Variants in KRT85 observed in about 807,000 individuals in gnomAD.
The protein encoded by KRT85 is keratin, type II cuticular Hb5.
Under a neutral mutation model 53.7 loss-of-function variants are expected in KRT85, and 39 were observed. The ratio of observed to expected loss-of-function variants is 0.73; its 90% CI spans 0.56 to 0.95. The LOEUF (loss-of-function observed/expected upper bound fraction) is 0.95, where lower values mean the gene tolerates loss of function less well. Among genes scored for constraint, KRT85 ranks in the 40% least tolerant of loss-of-function variants. The pLI is 0.00. For missense variants in KRT85, 668 were observed against 686.0 expected (o/e 0.97, Z 0.29); for synonymous variants, 291 against 277.5 (o/e 1.05, Z -0.48).
In KRT85 at chr12:52,367,029, T is replaced by C; in HGVS notation, c.377A>G (p.Gln126Arg). The C allele has an allele frequency of 1.9e-6, 3 of 1,613,950 alleles. No individual in the cohort carries two copies. The highest frequency in any genetic ancestry group is 2.5e-6 in the Non-Finnish European group (3 of 1,179,878). Residue 126 changes from glutamine to arginine, a missense_variant, in exon 1 of 9, where the codon CAG becomes CGG. Coordinates refer to ENST00000257901, the MANE Select transcript of KRT85 (RefSeq NM_002283.4). Reference sequence around the variant, plus strand: ...GAACCTGCTGTTGAGGGACTTGATCTGCTCCTTCTCCTCCTGCTTCACGCA... The same window carrying C: ...GAACCTGCTGTTGAGGGACTTGATCCGCTCCTTCTCCTCCTGCTTCACGCA... ...AQCVKQEEKEQIKSLNSRFAA... is the reference protein window; with the variant it reads ...AQCVKQEEKERIKSLNSRFAA...
At chr12:52,363,019 C>G in intron 5 of KRT85, 40 bp from the exon 6 acceptor site, 1 of 1,613,980 alleles carries the variant, frequency 6.2e-7, no homozygotes, top group Non-Finnish European at 8.5e-7. Flanking sequence ...CAGGGTGGGG[C>G]CCCCCATCCA....
At chr12:52,363,000 C>T in intron 5 of KRT85, 21 bp from the exon 6 acceptor site, 2 of 1,614,126 alleles carry the variant, frequency 1.2e-6, no homozygotes, top group Non-Finnish European at 1.7e-6. Flanking sequence ...TAGAGATGCT[C>T]ATGAGGCTCA....
At chr12:52,363,542 C>T (rs1939226796) in intron 4 of KRT85, 132 bp from the exon 5 acceptor site, 10 of 939,164 alleles carry the variant, frequency 1.1e-5, no homozygotes, top group South Asian at 5.6e-5. Context: ...CTCCTACCAC[C>T]TTCACTCATG....
At position 52,361,503 on chromosome 12, in the gene KRT85, G is replaced by A. The variant is rs371343708; in HGVS notation, c.1299-5C>T. On this transcript the variant is annotated splice_region_variant and splice_polypyrimidine_tract_variant and intron_variant, in intron 7 of 8. Coordinates refer to ENST00000257901, the MANE Select transcript of KRT85 (RefSeq NM_002283.4). ...GAGCCCACACCTTCACACAGCCTAT[G>A]GAGAAAGAAAACTCTGTTAGTTCCA... The A allele has an allele frequency of 1.5e-4, 235 of 1,613,462 alleles. No homozygotes were observed. Among genetic ancestry groups the A allele is most frequent in the Non-Finnish European group, 1.9e-4 (225 of 1,179,490 alleles).
In KRT85 at chr12:52,364,218, G is replaced by A. The variant is rs185033572; in HGVS notation, c.691-55C>T. 21 of 1,610,022 alleles carry A rather than the reference G, an allele frequency of 1.3e-5. No homozygotes were observed. The Admixed American group carries it at 3.3e-4, about 26-fold the overall frequency. On this transcript the variant is annotated intron_variant, in intron 3 of 8. Coordinates refer to ENST00000257901, the MANE Select transcript of KRT85 (RefSeq NM_002283.4). ...GCATGTGAGAGGAGACCAAAGAAAG[G>A]TGCCTTTGGTCAGCATGGTGACCCT...
intron 1 of KRT85, among the ~76,000 whole-genome samples, chr12:52,366,138 G>A (rs73314986): frequency 0.016 from 2,421 of 152,270 alleles, 75 homozygotes; most frequent in African/African-American, 0.055. Context: ...GCTATGCAGC[G>A]TTCTCCACAC....
chr12:52,363,988 C>G (rs1681866359), intron 4 of KRT85, 80 bp downstream of exon 4: 22 of 1,065,680 alleles, frequency 2.1e-5, no homozygotes, highest in Non-Finnish European at 1.5e-6. Context: ...TAGGCACACA[C>G]ATGCACCCTT....
At position 52,360,690 on chromosome 12, in the gene KRT85, C is replaced by T. The variant is rs190998754; in HGVS notation, c.*163G>A. On this transcript the variant is annotated 3_prime_UTR_variant, in exon 9 of 9. Coordinates refer to ENST00000257901, the MANE Select transcript of KRT85 (RefSeq NM_002283.4). ...GATGCATCTCCCTAGCATGAAAAGG[C>T]GCAGGGGAGCGGCCCGAGGGTCTTT... 270 of 752,986 alleles carry T rather than the reference C, an allele frequency of 3.6e-4. 2 individuals are homozygous for T. The African/African-American group carries it at 4.0e-3, about 11-fold the overall frequency. The allele number at this position is 752,986 out of a possible 1,614,324, so 46.6% of individuals were successfully genotyped here.
intron 6 of KRT85, 113 bp downstream of exon 6, chr12:52,362,741 C>T: frequency 6.6e-7 from 1 of 1,512,186 alleles, no homozygotes; most frequent in South Asian, 1.1e-5. Context: ...TATGATAGAG[C>T]CCCTCCCTTC....
chr12:52,365,435 T>C (rs1295895865), intron 1 of KRT85, among the ~76,000 whole-genome samples: 2 of 152,210 alleles, frequency 1.3e-5, no homozygotes, highest in Non-Finnish European at 2.9e-5. Flanking sequence ...GGCTCAGTTT[T>C]CTCCTTTCCA....
intron 8 of KRT85, 95 bp downstream of exon 8, chr12:52,361,372 G>T: frequency 1.7e-6 from 2 of 1,154,270 alleles, no homozygotes; most frequent in Non-Finnish European, 1.3e-6. Context: ...TGAAACAGTT[G>T]GGGGAACACT....
intron 7 of KRT85, among the ~76,000 whole-genome samples, chr12:52,362,032 A>G (rs1399017605): frequency 1.3e-5 from 2 of 152,230 alleles, no homozygotes; most frequent in African/African-American, 4.8e-5. Context: ...AGATAAAAAG[A>G]TGGGAAAAAC....
rs1939281763 is a variant in KRT85 at position 52,367,008 on chromosome 12, C to T, written c.398G>A (p.Arg133Lys). ...CACCTTGTCGATGAAGGCCGCGAAC[C>T]TGCTGTTGAGGGACTTGATCTGCTC... Reference protein sequence around the residue: ...EKEQIKSLNSRFAAFIDKVRF... With the variant: ...EKEQIKSLNSKFAAFIDKVRF... The change falls in exon 1 of 9, where the codon AGG becomes AAG. Residue 133 changes from arginine to lysine, a missense_variant. Arg to Lys is a conservative substitution (Grantham distance 26, BLOSUM62 2). Coordinates refer to ENST00000257901, the MANE Select transcript of KRT85 (RefSeq NM_002283.4). 6.2e-7 allele frequency: 1 copy of T among 1,613,994 alleles called. No homozygotes were observed. The highest frequency in any genetic ancestry group is 1.3e-5 in the African/African-American group (1 of 75,058).
rs1939181618 is a variant in KRT85 at position 52,360,953 on chromosome 12, C to T, written c.1424G>A (p.Gly475Asp). Residue 475 changes from glycine to aspartate, a missense_variant, in exon 9 of 9, where the codon GGC (glycine) becomes GAC (aspartate). Gly to Asp is a moderately conservative substitution (Grantham distance 94). Around this residue, in one of 3 missense-constraint regions of KRT85, gnomAD observed 488 missense variants for 498.1 expected, o/e 0.98. Coordinates refer to ENST00000257901, the MANE Select transcript of KRT85 (RefSeq NM_002283.4). ...AGGGGCCACCACCGTGATGCTGCCGCCTATGGCTGAGGGGCCAGAAGTGAT... is the reference window on the plus strand; with the variant it reads ...AGGGGCCACCACCGTGATGCTGCCGTCTATGGCTGAGGGGCCAGAAGTGAT... ...RQITSGPSAI[G>D]GSITVVAPDS... The T allele has an allele frequency of 6.2e-7, 1 of 1,613,376 alleles. No individual in the cohort carries two copies. The highest frequency in any genetic ancestry group is 1.7e-5 in the Admixed American group (1 of 60,034).
At chr12:52,364,937 A>C in intron 2 of KRT85, 25 bp downstream of exon 2, 1 of 1,612,208 alleles carries the variant, frequency 6.2e-7, no homozygotes, top group Non-Finnish European at 8.5e-7. Context: ...GTTTCCCCTG[A>C]GTCCCCCCAG....
At chr12:52,362,722 G>T in intron 6 of KRT85, 132 bp downstream of exon 6, 1 of 1,433,864 alleles carries the variant, frequency 7.0e-7, no homozygotes, top group Non-Finnish European at 9.8e-7. Flanking sequence ...TGGTCTGATT[G>T]CTGTGAAATA....
In KRT85 at chr12:52,367,248, C is replaced by T. The variant is rs758331665; in HGVS notation, c.158G>A (p.Ser53Asn). 2 of 1,612,250 alleles carry T rather than the reference C, an allele frequency of 1.2e-6. No individual in the cohort carries two copies. The highest frequency in any genetic ancestry group is 4.5e-5 in the East Asian group (2 of 44,828). The change falls in exon 1 of 9, where the codon AGC (serine) becomes AAC (asparagine). Residue 53 changes from serine to asparagine, a missense_variant. Around this residue, in one of 3 missense-constraint regions of KRT85, gnomAD observed 158 missense variants for 141.8 expected, o/e 1.11. Coordinates refer to ENST00000257901, the MANE Select transcript of KRT85 (RefSeq NM_002283.4). ...SCYRGLTGFG[S>N]RSLCNLGSCG... ...GGAGCCCAGGTTGCAGAGGCTGCGGCTGCCGAAGCCCGTCAGCCCTCGGTA... is the reference window on the plus strand; with the variant it reads ...GGAGCCCAGGTTGCAGAGGCTGCGGTTGCCGAAGCCCGTCAGCCCTCGGTA...
Position 52,361,557 on chromosome 12 carries a change from T to C in KRT85, c.1299-59A>G, listed in dbSNP as rs2298796. The stretch of plus-strand genomic sequence containing the variant: ...ACTGAGTTGGATTCCTTGAGACTGA[T>C]GGTTGCTTGGGGACAGAGAGGGTCA... On this transcript the variant is annotated intron_variant, in intron 7 of 8. Transcript: ENST00000257901. 0.19 allele frequency: 295,328 copies of C among 1,522,212 alleles called. 32,393 individuals are homozygous for C. Among genetic ancestry groups the C allele is most frequent in the East Asian group, 0.51 (22,528 of 44,378 alleles). 94.3% of individuals were successfully genotyped at this position (1,522,212 alleles called of 1,614,324 possible). A position where few individuals can be genotyped will look rare whatever the true frequency, so the allele number is the denominator to read the frequency against.
Position 52,364,312 on chromosome 12 carries a change from T to G in KRT85, c.684A>C (p.Leu228=), listed in dbSNP as rs768129792. 32 of 1,614,070 alleles carry G rather than the reference T, an allele frequency of 2.0e-5. No individual in the cohort carries two copies. The highest frequency in any genetic ancestry group is 2.7e-5 in the Non-Finnish European group (32 of 1,180,032). ...CCCATGACCAGCCCCTCACCTTCTTTAGAACGACAAACTCATTCTCTGCTG... is the reference window on the plus strand; with the variant it reads ...CCCATGACCAGCCCCTCACCTTCTTGAGAACGACAAACTCATTCTCTGCTG... ...RATAENEFVV[L]KKDVDCAYLR... is the part of the protein sequence containing the mutation. The change falls in exon 3 of 9, where the codon CTA becomes CTC. Residue 228 remains leucine (L), a synonymous_variant. Transcript: ENST00000257901.
Sources: allele counts gnomAD v4.1 joint callset (sites outside exome capture counted in the v4.1 genomes callset), GRCh38; gene constraint gnomAD v4.1.1; regional missense constraint gnomAD v4.1.1; transcripts MANE v1.5; gene names NCBI Gene and HGNC (gene_info 2026-07-23, HGNC 2026-07-21).